Variants in SH3GL2 observed in about 807,000 individuals in gnomAD.
The protein encoded by SH3GL2 is endophilin-A1.
Under a neutral mutation model 46.0 loss-of-function variants are expected in SH3GL2, and 24 were observed. The observed-to-expected ratio is 0.52, with a 90% CI of 0.38 to 0.73. The LOEUF (loss-of-function observed/expected upper bound fraction) is 0.73. Among genes scored for constraint, SH3GL2 ranks in the 30% least tolerant of loss-of-function variants. The pLI is 0.00. For synonymous variants in SH3GL2, 196 were observed against 147.1 expected, an observed-to-expected ratio of 1.33 and a Z score of -2.40; for missense variants, 413 against 424.2, an observed-to-expected ratio of 0.97 and a Z score of 0.23.
intron 1 of SH3GL2, among the ~76,000 whole-genome samples, chr9:17,743,954 A>G (rs1248574991): frequency 1.3e-5 from 2 of 152,222 alleles, no homozygotes; most frequent in Non-Finnish European, 2.9e-5. Context: ...ATGAAATTAA[A>G]TATCACAGGT....
At chr9:17,605,840 C>T in intron 1 of SH3GL2, among the ~76,000 whole-genome samples, 1 of 152,128 alleles carries the variant, frequency 6.6e-6, no homozygotes, top group East Asian at 1.9e-4. Flanking sequence ...CTTTAAAATG[C>T]TAGTGTCAGA....
chr9:17,775,463 G>A (rs1257397517), intron 3 of SH3GL2, among the ~76,000 whole-genome samples: 1 of 152,280 alleles, frequency 6.6e-6, no homozygotes, highest in African/African-American at 2.4e-5. Context: ...GCTGGATGAT[G>A]TGTACGCATT....
intron 2 of SH3GL2, among the ~76,000 whole-genome samples, chr9:17,748,715 GT>G (rs1482200832): frequency 6.6e-6 from 1 of 152,132 alleles, no homozygotes; most frequent in African/African-American, 2.4e-5. Context: ...GAAGTTCGTA[GT>G]CTAGTGGGGA....
At chr9:17,776,841 T>G (rs1013604091) in intron 3 of SH3GL2, among the ~76,000 whole-genome samples, 2 of 152,152 alleles carry the variant, frequency 1.3e-5, no homozygotes, top group East Asian at 3.9e-4. Flanking sequence ...AGCCAGTTTC[T>G]GTGTCTCACA....
intron 1 of SH3GL2, chr9:17,735,577 T>A (rs1440724869): frequency 6.5e-6 from 1 of 152,784 alleles, no homozygotes; most frequent in African/African-American, 2.4e-5. Context: ...GCCCTGCCTA[T>A]GCAGAGGACC....
intron 1 of SH3GL2, among the ~76,000 whole-genome samples, chr9:17,609,433 G>A (rs776406067): frequency 6.6e-6 from 1 of 152,048 alleles, no homozygotes; most frequent in African/African-American, 2.4e-5. Context: ...AATCATATGC[G>A]TGCGTAAGCC....
chr9:17,626,848 A>G (rs979074899), intron 1 of SH3GL2, among the ~76,000 whole-genome samples: 5 of 152,102 alleles, frequency 3.3e-5, no homozygotes, highest in African/African-American at 1.2e-4. Context: ...GAGCACTTTA[A>G]TTTGTGGAAG....
At chr9:17,716,630 G>A (rs1031717585) in intron 1 of SH3GL2, among the ~76,000 whole-genome samples, 8 of 152,102 alleles carry the variant, frequency 5.3e-5, no homozygotes, top group Non-Finnish European at 8.8e-5. Flanking sequence ...TGCATGTGTT[G>A]ATCAGAACTC....
rs1426390264 is a variant in SH3GL2 at position 17,787,501 on chromosome 9, T to C, written c.453T>C (p.Leu151=). The C allele has an allele frequency of 6.4e-5, 104 of 1,612,616 alleles. 4 individuals are homozygous for C. The Admixed American group carries it at 1.7e-3, about 27-fold the overall frequency. ...TTCAGAATCTTCATGACAAAGATCTTAGGGAAATTCAAGTATGTACAATGA... is the reference window on the plus strand; with the variant it reads ...TTCAGAATCTTCATGACAAAGATCTCAGGGAAATTCAAGTATGTACAATGA... ...DPLQNLHDKD[L]REIQHHLKKL... Residue 151 remains leucine, a synonymous_variant, in exon 5 of 9, where the codon CTT becomes CTC. Transcript: ENST00000380607.
At chr9:17,690,975 C>T (rs1821062142) in intron 1 of SH3GL2, among the ~76,000 whole-genome samples, 1 of 152,130 alleles carries the variant, frequency 6.6e-6, no homozygotes, top group Non-Finnish European at 1.5e-5. Flanking sequence ...AACCTTACTA[C>T]CGAAGTGTGG....
Position 17,796,710 on chromosome 9 carries a change from C to G in SH3GL2, c.*967C>G, listed in dbSNP as rs895259853. The G allele has an allele frequency of 2.6e-5, 4 of 152,648 alleles. No homozygotes were observed. Among genetic ancestry groups the G allele is most frequent in the African/African-American group, 9.7e-5 (4 of 41,446 alleles). The allele number at this position is 152,648 out of a possible 1,614,324, so 9.5% of individuals were successfully genotyped here. On this transcript the variant is annotated 3_prime_UTR_variant, in exon 9 of 9. Coordinates refer to ENST00000380607, the MANE Select transcript of SH3GL2 (RefSeq NM_003026.5). Reference sequence around the variant, plus strand: ...AATACCTTTCCTTTCCACTTTTACCCTGTGTTCTTTGAACATCATTTGTGC... The same window carrying G: ...AATACCTTTCCTTTCCACTTTTACCGTGTGTTCTTTGAACATCATTTGTGC...
chr9:17,666,413 C>T (rs1219902403), intron 1 of SH3GL2, among the ~76,000 whole-genome samples: 4 of 152,062 alleles, frequency 2.6e-5, no homozygotes, highest in Admixed American at 6.6e-5. Context: ...GTTTATGCAG[C>T]TCCCACCCTA....
At chr9:17,699,029 C>T (rs1292586448) in intron 1 of SH3GL2, among the ~76,000 whole-genome samples, 1 of 151,614 alleles carries the variant, frequency 6.6e-6, no homozygotes, top group Non-Finnish European at 1.5e-5. Flanking sequence ...GTGGTGCGTG[C>T]CTGCAGTCTC....
intron 1 of SH3GL2, among the ~76,000 whole-genome samples, chr9:17,592,871 G>T (rs1818509975): frequency 6.6e-6 from 1 of 152,182 alleles, no homozygotes; most frequent in Non-Finnish European, 1.5e-5. Context: ...TATGCTTAGA[G>T]GGTTGGGACT....
chr9:17,767,027 CTTG>C (rs1301102488), intron 3 of SH3GL2, among the ~76,000 whole-genome samples: 6 of 152,162 alleles, frequency 3.9e-5, no homozygotes, highest in African/African-American at 1.4e-4. Flanking sequence ...ACTTAGCATC[CTTG>C]TTATGAGAGA....
At chr9:17,585,387 C>G (rs1818354555) in intron 1 of SH3GL2, among the ~76,000 whole-genome samples, 2 of 152,114 alleles carry the variant, frequency 1.3e-5, no homozygotes, top group Admixed American at 1.3e-4. Flanking sequence ...ATTTTTTGGC[C>G]TCCTTTTTTC....
chr9:17,748,111 G>T (rs1822746340), intron 2 of SH3GL2, among the ~76,000 whole-genome samples: 1 of 152,198 alleles, frequency 6.6e-6, no homozygotes, highest in Non-Finnish European at 1.5e-5. Context: ...TAGAAGTGAT[G>T]AACAAAACAT....
chr9:17,592,880 C>G (rs185769716), intron 1 of SH3GL2, among the ~76,000 whole-genome samples: 28 of 152,232 alleles, frequency 1.8e-4, no homozygotes, highest in Admixed American at 5.2e-4. Context: ...AGGGTTGGGA[C>G]TTTCAGCTCC....
At chr9:17,744,196 T>A (rs970454411) in intron 1 of SH3GL2, among the ~76,000 whole-genome samples, 2 of 152,148 alleles carry the variant, frequency 1.3e-5, no homozygotes. Context: ...AAGAGGGGAC[T>A]GACATGTGAG....
Sources: allele counts gnomAD v4.1 joint callset (sites outside exome capture counted in the v4.1 genomes callset), GRCh38; gene constraint gnomAD v4.1.1; transcripts MANE v1.5; gene names NCBI Gene and HGNC (gene_info 2026-07-23, HGNC 2026-07-21).